The following TSC2 variants were observed in gnomAD, a reference collection of about 807,000 sequenced individuals.
TSC2 encodes TSC complex subunit 2.
Under a neutral mutation model 202.2 loss-of-function variants are expected in TSC2, and 29 were observed. The observed-to-expected ratio is 0.14, with a 90% CI of 0.11 to 0.20. The LOEUF (loss-of-function observed/expected upper bound fraction) is 0.20. TSC2 is among the 10% of genes least tolerant of loss of function. TSC2 has a pLI of 1.00. For missense variants in TSC2, 2,429 were observed against 2,420.0 expected, an observed-to-expected ratio of 1.00 and a Z score of -0.08; for synonymous variants, 1,349 against 1,044.0, an observed-to-expected ratio of 1.29 and a Z score of -5.63.
chr16:2,053,258 C>T lies in TSC2; in HGVS notation c.226-84C>T. 5 of 1,381,460 alleles carry T rather than the reference C, an allele frequency of 3.6e-6. No homozygotes were observed. The South Asian group carries it at 5.0e-5, about 14-fold the overall frequency. 85.6% of individuals were successfully genotyped at this position (1,381,460 alleles called of 1,614,324 possible). A position where few individuals can be genotyped will look rare whatever the true frequency, so the allele number is the denominator to read the frequency against. The stretch of plus-strand genomic sequence containing the variant: ...CAAGCCCCCGTTGTTCCTCCCTGTC[C>T]TCCGCTCACGGCACTGCTCCAGTTG... On this transcript the variant is annotated intron_variant, in intron 3 of 41. Transcript: ENST00000219476.
chr16:2,051,452 G>A (rs2085115081), intron 3 of TSC2, among the ~76,000 whole-genome samples: 1 of 152,212 alleles, frequency 6.6e-6, no homozygotes, highest in Non-Finnish European at 1.5e-5. Flanking sequence ...AGGCACGCTG[G>A]TCTTGGTGCC....
chr16:2,067,653 C>T (rs1418346976), intron 16 of TSC2, among the ~76,000 whole-genome samples: 4 of 152,276 alleles, frequency 2.6e-5, no homozygotes, highest in South Asian at 4.1e-4. Context: ...GCCTGTAGTC[C>T]CAGCTACTCG....
At chr16:2,069,779 C>T (rs576629801) in intron 16 of TSC2, among the ~76,000 whole-genome samples, 1 of 152,154 alleles carries the variant, frequency 6.6e-6, no homozygotes, top group African/African-American at 2.4e-5. Context: ...TGTGCCCGGC[C>T]TAATTTTGTA....
At position 2,077,838 on chromosome 16, in the gene TSC2, C is replaced by T. The variant is rs998362989; in HGVS notation, c.2966+112C>T. On this transcript the variant is annotated intron_variant, in intron 26 of 41. Transcript: ENST00000219476. ...ACCTCATCGTCTGCCCGTGTCCTCC[C>T]TGGCCAGCCCAGGGGGAGCCGGTGA... 9 of 1,561,420 alleles carry T rather than the reference C, an allele frequency of 5.8e-6. No homozygotes were observed. In the Admixed American group the frequency reaches 1.4e-4, roughly 24 times the overall value.
intron 4 of TSC2, 179 bp from the exon 5 acceptor site, chr16:2,054,117 C>A: frequency 1.1e-6 from 1 of 951,468 alleles, no homozygotes; most frequent in African/African-American, 1.6e-5. Context: ...TCGGCCGGTG[C>A]ATCCGGCCCC....
intron 10 of TSC2, among the ~76,000 whole-genome samples, 174 bp downstream of exon 10, chr16:2,059,047 CTT>C (rs10592762): frequency 1.4e-5 from 2 of 142,636 alleles, no homozygotes; most frequent in Admixed American, 7.0e-5. Flanking sequence ...AGGCTTTAGT[CTT>C]TTTTTTTTTT....
chr16:2,075,658 T>G (rs1314379113), intron 22 of TSC2, 141 bp from the exon 23 acceptor site: 1 of 813,530 alleles, frequency 1.2e-6, no homozygotes. Context: ...GAGGCCAGGG[T>G]CGGGAAAGCC....
intron 4 of TSC2, 100 bp from the exon 5 acceptor site, chr16:2,054,196 C>G (rs2085483732): frequency 1.3e-6 from 2 of 1,586,590 alleles, no homozygotes; most frequent in Non-Finnish European, 1.7e-6. Flanking sequence ...GGAGAGGGGT[C>G]CAGGGCTGGA....
chr16:2,087,965 G>C (rs2151615983), intron 39 of TSC2, 24 bp downstream of exon 39: 1 of 1,612,514 alleles, frequency 6.2e-7, no homozygotes, highest in East Asian at 2.2e-5. Flanking sequence ...GGGCCCTGCA[G>C]TGCAGGAAAG....
At chr16:2,072,139 C>T in intron 19 of TSC2, 102 bp from the exon 20 acceptor site, 4 of 1,593,940 alleles carry the variant, frequency 2.5e-6, no homozygotes, top group Non-Finnish European at 3.4e-6. Flanking sequence ...GGCTCCATAG[C>T]CCTTGACGCT....
intron 32 of TSC2, 149 bp from the exon 33 acceptor site, chr16:2,083,546 C>T (rs1192530557): frequency 7.2e-7 from 1 of 1,386,598 alleles, no homozygotes; most frequent in African/African-American, 1.4e-5. Context: ...TCCCTGCCCG[C>T]TCGGTGGATG....
rs1382897280 is a variant in TSC2 at position 2,085,274 on chromosome 16, A to G, written c.4614A>G (p.Pro1538=). The part of the protein sequence containing the change: ...ERSVQLLDQI[P]SYDTHKIAVL... Reference sequence around the variant, plus strand: ...CGGTGCAGCTCCTCGACCAGATCCCATCATACGACACCCACAAGATCGCCG... The same window carrying G: ...CGGTGCAGCTCCTCGACCAGATCCCGTCATACGACACCCACAAGATCGCCG... Residue 1538 remains proline, a synonymous_variant, in exon 36 of 42, where the codon CCA becomes CCG. Transcript: ENST00000219476. 2.5e-6 allele frequency: 4 copies of G among 1,612,634 alleles called. No homozygotes were observed. The highest frequency in any genetic ancestry group is 1.1e-5 in the South Asian group (1 of 91,086).
rs566041511 is a variant in TSC2, at chr16:2,078,692, G to T, written c.2967-340G>T. 5 of 402,610 alleles carry T rather than the reference G, an allele frequency of 1.2e-5. No homozygotes were observed. The East Asian group carries it at 2.7e-4, about 22-fold the overall frequency. 24.9% of individuals were successfully genotyped at this position (402,610 alleles called of 1,614,324 possible). ...TGCGGGCAGAATGCAATCTGGGCCTGTCTGTGTGGCCTCCGCCTCTCTGCA... is the reference window on the plus strand; with the variant it reads ...TGCGGGCAGAATGCAATCTGGGCCTTTCTGTGTGGCCTCCGCCTCTCTGCA... On this transcript the variant is annotated intron_variant, in intron 26 of 41. Transcript: ENST00000219476.
Position 2,055,485 on chromosome 16 carries a change from T to G in TSC2, c.565T>G (p.Cys189Gly). Residue 189 changes from cysteine to glycine, a missense_variant, in exon 6 of 42, where the codon TGT becomes GGT. Physicochemically the swap from Cys to Gly is radical, Grantham distance 159 (BLOSUM62 -3). Coordinates refer to ENST00000219476, the MANE Select transcript of TSC2 (RefSeq NM_000548.5). ...VLVNLVKFNSCYLDEYIARMV... is the reference protein window; with the variant it reads ...VLVNLVKFNSGYLDEYIARMV... ...GGTGAACTTGGTCAAATTCAATAGC[T>G]GTTACCTCGACGAGTACATCGCAAG... 6.2e-7 allele frequency: 1 copy of G among 1,614,224 alleles called. No homozygotes were observed. The highest frequency in any genetic ancestry group is 8.5e-7 in the Non-Finnish European group (1 of 1,180,034).
At position 2,086,243 on chromosome 16, in the gene TSC2, C is replaced by T. The variant is rs45517366; in HGVS notation, c.4713C>T (p.Tyr1571=). The T allele has an allele frequency of 3.1e-6, 5 of 1,612,804 alleles. No homozygotes were observed. Among genetic ancestry groups the T allele is most frequent in the Non-Finnish European group, 4.2e-6 (5 of 1,179,952 alleles). Residue 1571 remains tyrosine (Y), a synonymous_variant, in exon 37 of 42, where the codon TAC becomes TAT. Transcript: ENST00000219476. ...CCAATGAGCATGGCTCCTACAGGTACACGGAGTTCCTGACGGGCCTGGGCC... is the reference window on the plus strand; with the variant it reads ...CCAATGAGCATGGCTCCTACAGGTATACGGAGTTCCTGACGGGCCTGGGCC... ...ILSNEHGSYR[Y]TEFLTGLGRL...
chr16:2,074,580 C>T (rs887506427), intron 22 of TSC2, 191 bp downstream of exon 22: 4 of 689,464 alleles, frequency 5.8e-6, no homozygotes, highest in African/African-American at 1.8e-5. Flanking sequence ...GGCGGCTCCT[C>T]TCACCCCTCT....
chr16:2,060,601 T>C, intron 10 of TSC2, 69 bp from the exon 11 acceptor site: 2 of 1,611,048 alleles, frequency 1.2e-6, no homozygotes, highest in Middle Eastern at 1.7e-4. Context: ...GTCCCAAGGG[T>C]GACTGGGAGG....
rs45491698 is a variant in TSC2, at chr16:2,079,160, G to A, written c.3095G>A (p.Arg1032Gln). 6.2e-7 allele frequency: 1 copy of A among 1,612,968 alleles called. No individual in the cohort carries two copies. Among genetic ancestry groups the A allele is most frequent in the Non-Finnish European group, 8.5e-7 (1 of 1,180,022 alleles). ...LTETCLDMMA[R>Q]YVFSNFTAVP... ...GAAACCTGTCTGGACATGATGGCTC[G>A]ATACGTCTTCTCCAACTTCACGGCT... Residue 1032 changes from arginine (R) to glutamine (Q), a missense_variant, in exon 27 of 42, where the codon CGA becomes CAA. Transcript: ENST00000219476. This position sits in a 1 kb window ranked among gnomAD's most constrained non-coding sequence, Gnocchi z 4.6.
chr16:2,053,871 C>A (rs1489031933), intron 4 of TSC2: 1 of 473,630 alleles, frequency 2.1e-6, no homozygotes, highest in South Asian at 1.6e-5. Flanking sequence ...GTTCCTGCCT[C>A]CCCTGGTCGG....
Sources: allele counts gnomAD v4.1 joint callset (sites outside exome capture counted in the v4.1 genomes callset), GRCh38; gene constraint gnomAD v4.1.1; non-coding constraint Gnocchi (gnomAD v3.1); transcripts MANE v1.5; gene names NCBI Gene and HGNC (gene_info 2026-07-23, HGNC 2026-07-21).